Variants in INF2 observed in about 807,000 individuals in gnomAD.
The protein encoded by INF2 is inverted formin 2.
Under a neutral mutation model 123.5 loss-of-function variants are expected in INF2, and 43 were observed. The ratio of observed to expected loss-of-function variants is 0.35; its 90% CI spans 0.27 to 0.45. The LOEUF (loss-of-function observed/expected upper bound fraction) is 0.45. Among genes scored for constraint, INF2 ranks in the 20% least tolerant of loss-of-function variants. INF2 has a pLI of 1.00. For missense variants in INF2, 1,453 were observed against 1,682.7 expected (o/e 0.86, Z 2.39); for synonymous variants, 851 against 745.0 (o/e 1.14, Z -2.32).
rs780454513 is a variant in INF2 at position 104,701,381 on chromosome 14, G to C, written c.16G>C (p.Gly6Arg). The change falls in exon 2 of 23, where the codon GGC becomes CGC. Residue 6 changes from glycine (G) to arginine (R), a missense_variant. Coordinates refer to ENST00000392634, the MANE Select transcript of INF2 (RefSeq NM_022489.4). MSVKE[G>R]AQRKWAALKE... Reference sequence around the variant, plus strand: ...GCTCGGCAAGATGTCGGTGAAGGAGGGCGCACAGCGCAAGTGGGCAGCGCT... The same window carrying C: ...GCTCGGCAAGATGTCGGTGAAGGAGCGCGCACAGCGCAAGTGGGCAGCGCT... The C allele has an allele frequency of 1.1e-5, 18 of 1,585,720 alleles. No individual in the cohort carries two copies. Among genetic ancestry groups the C allele is most frequent in the Non-Finnish European group, 1.5e-5 (18 of 1,165,296 alleles).
Position 104,710,161 on chromosome 14 carries a change from G to A in INF2, c.2212G>A (p.Ala738Thr), listed in dbSNP as rs1442093176. ...CGTGCTGGACATGGTGCGGCCCAAG[G>A]CCCAGCTGGTGCTGGCTGCCTGCGA... ...AAVLDMVRPKAQLVLAACESL... is the reference protein window; with the variant it reads ...AAVLDMVRPKTQLVLAACESL... Residue 738 changes from alanine (A) to threonine (T), a missense_variant, in exon 13 of 23, where the codon GCC becomes ACC. Coordinates refer to ENST00000392634, the MANE Select transcript of INF2 (RefSeq NM_022489.4). 1 of 1,551,286 alleles carries A rather than the reference G, an allele frequency of 6.4e-7. No individual in the cohort carries two copies. The highest frequency in any genetic ancestry group is 2.4e-5 in the East Asian group (1 of 41,094).
At chr14:104,708,255 C>G in intron 8 of INF2, 181 bp from the exon 9 acceptor site, 1 of 905,192 alleles carries the variant, frequency 1.1e-6, no homozygotes. Flanking sequence ...CCATGGTGCC[C>G]TGGGGCCCTG....
chr14:104,687,372 C>T (rs1405139244), upstream of INF2, among the ~76,000 whole-genome samples: 1 of 151,994 alleles, frequency 6.6e-6, no homozygotes, highest in African/African-American at 2.4e-5. The surrounding 1 kb of genome is among the most constrained non-coding windows in gnomAD (Gnocchi z 5.6). Flanking sequence ...CCCTGCTGCC[C>T]CGGGCATGGT....
chr14:104,709,973 G>A (rs1308065692), intron 12 of INF2, 115 bp from the exon 13 acceptor site: 30 of 936,640 alleles, frequency 3.2e-5, no homozygotes, highest in East Asian at 1.3e-4. Flanking sequence ...TGGGGCAGGC[G>A]GTGGAAACCC....
chr14:104,703,527 C>T (rs994853478), intron 4 of INF2, 73 bp downstream of exon 4: 4 of 1,580,556 alleles, frequency 2.5e-6, no homozygotes, highest in Non-Finnish European at 3.4e-6. Flanking sequence ...CTGCATCCAC[C>T]TGGGGAGGTG....
Position 104,707,744 on chromosome 14 carries a change from C to A in INF2, c.1477C>A (p.Pro493Thr). 1.5e-6 allele frequency: 2 copies of A among 1,367,838 alleles called. No individual in the cohort carries two copies. The highest frequency in any genetic ancestry group is 2.4e-4 in the Middle Eastern group (1 of 4,100). 84.7% of individuals were successfully genotyped at this position (1,367,838 alleles called of 1,614,324 possible). A position where few individuals can be genotyped will look rare whatever the true frequency, so the allele number is the denominator to read the frequency against. Residue 493 changes from proline to threonine, a missense_variant, in exon 8 of 23, where the codon CCA (proline) becomes ACA (threonine). Pro to Thr is a conservative substitution (Grantham distance 38). Coordinates refer to ENST00000392634, the MANE Select transcript of INF2 (RefSeq NM_022489.4). The part of the protein sequence containing the change: ...SCEFLPPPPP[P>T]LPGLGCPPPP... ...TGAGTTCCTGCCCCCACCACCTCCA[C>A]CACTCCCGGGCTTGGGATGCCCGCC... is the stretch of plus-strand genomic sequence containing the variant.
At chr14:104,715,967 C>G (rs1409802350) in intron 22 of INF2, 6 of 455,886 alleles carry the variant, frequency 1.3e-5, no homozygotes, top group Admixed American at 4.7e-5. Context: ...CAGATTACCC[C>G]CCGCACACCG....
chr14:104,714,215 A>G lies in INF2; in HGVS notation c.3053A>G (p.Asn1018Ser), dbSNP rs1249757355. ...TCCCTCCATCCAGTGGCCACCAGTA[A>G]CCCTGCAGGAGATCCCGTGGGCAGC... ...PRATEPVATS[N>S]PAGDPVGSTR... Residue 1018 changes from asparagine (N) to serine (S), a missense_variant, in exon 21 of 23, where the codon AAC becomes AGC. Around this residue, in one of 8 missense-constraint regions of INF2, gnomAD observed 344 missense variants for 333.1 expected, o/e 1.03. Transcript: ENST00000392634. 6.5e-7 allele frequency: 1 copy of G among 1,535,574 alleles called. No homozygotes were observed. The highest frequency in any genetic ancestry group is 1.9e-5 in the Admixed American group (1 of 52,982).
chr14:104,693,072 C>G (rs143954147), intron 1 of INF2, among the ~76,000 whole-genome samples: 43 of 152,364 alleles, frequency 2.8e-4, no homozygotes, highest in Non-Finnish European at 4.3e-4. Flanking sequence ...CACTGGAGGC[C>G]TGGCCAGGCT....
At position 104,703,363 on chromosome 14, in the gene INF2, C is replaced by T. The variant is rs1889618890; in HGVS notation, c.576C>T (p.Pro192=). ...MNELSGSDNV[P]YVVTLLSVIN... is the part of the protein sequence containing the mutation. Reference sequence around the variant, plus strand: ...AGCTCTCCGGCAGCGACAACGTGCCCTACGTGGTCACCCTGCTTAGCGTGA... The same window carrying T: ...AGCTCTCCGGCAGCGACAACGTGCCTTACGTGGTCACCCTGCTTAGCGTGA... Residue 192 remains proline, a synonymous_variant, in exon 4 of 23, where the codon CCC becomes CCT. Coordinates refer to ENST00000392634, the MANE Select transcript of INF2 (RefSeq NM_022489.4). 1 of 1,613,024 alleles carries T rather than the reference C, an allele frequency of 6.2e-7. No individual in the cohort carries two copies. Among genetic ancestry groups the T allele is most frequent in the Non-Finnish European group, 8.5e-7 (1 of 1,179,874 alleles).
At position 104,684,443 on chromosome 14, in the gene INF2, C is replaced by T; in HGVS notation, c.-104+2861C>T. 1 of 246,310 alleles carries T rather than the reference C, an allele frequency of 4.1e-6. No individual in the cohort carries two copies. Among genetic ancestry groups the T allele is most frequent in the South Asian group, 4.8e-5 (1 of 20,754 alleles). The allele number at this position is 246,310 out of a possible 1,614,324, so 15.3% of individuals were successfully genotyped here. ...AAGAAACATGAGTGAACGATGCACA[C>T]CACCGCGTGGATGAGTCTCAGAGAC... is the stretch of plus-strand genomic sequence containing the variant. On this transcript the variant is annotated intron_variant, in intron 1 of 2. Transcript: ENST00000674723. This position sits in a 1 kb window ranked among gnomAD's most constrained non-coding sequence, Gnocchi z 5.0.
chr14:104,717,952 T>C (rs1274997313), intron 22 of INF2, among the ~76,000 whole-genome samples: 1 of 152,208 alleles, frequency 6.6e-6, no homozygotes, highest in Admixed American at 6.5e-5. Context: ...GTGCATTTGA[T>C]GGGGACCAGC....
In INF2 at chr14:104,684,173, A is replaced by G; in HGVS notation, c.-104+2591A>G. ...AGTAACCTGCGTGCCGCCACGGGAA[A>G]CAGCACGCATCCCATCTGGACTCCC... is the stretch of plus-strand genomic sequence containing the variant. On this transcript the variant is annotated intron_variant, in intron 1 of 2. Coordinates refer to the INF2 transcript ENST00000674723. The surrounding 1 kb of genome is among the most constrained non-coding windows in gnomAD (Gnocchi z 5.0). 4.4e-6 allele frequency: 2 copies of G among 455,772 alleles called. No homozygotes were observed. The highest frequency in any genetic ancestry group is 4.7e-5 in the Admixed American group (2 of 42,562). The allele number at this position is 455,772 out of a possible 1,614,324, so 28.2% of individuals were successfully genotyped here. A position where few individuals can be genotyped will look rare whatever the true frequency, so the allele number is the denominator to read the frequency against.
At chr14:104,687,915 CG>C (rs1888713081), upstream of INF2, among the ~76,000 whole-genome samples, 2 of 152,362 alleles carry the variant, frequency 1.3e-5, no homozygotes, top group Admixed American at 1.3e-4. The surrounding 1 kb of genome is among the most constrained non-coding windows in gnomAD (Gnocchi z 5.6). Flanking sequence ...TGCCCAGCAC[CG>C]CTGCCAGGCA....
Position 104,708,689 on chromosome 14 carries a change from A to G in INF2, c.1906A>G (p.Lys636Glu). 6.2e-7 allele frequency: 1 copy of G among 1,613,018 alleles called. No homozygotes were observed. The highest frequency in any genetic ancestry group is 8.5e-7 in the Non-Finnish European group (1 of 1,179,840). The change falls in exon 10 of 23, where the codon AAG becomes GAG. Residue 636 changes from lysine to glutamate, a missense_variant. Transcript: ENST00000392634. The part of the protein sequence containing the change: ...EPKEITFLDA[K>E]KSLNLNIFLK... ...TTTCTAGATCACTTTCCTCGATGCC[A>G]AGAAGAGCCTGAACCTCAACATCTT...
chr14:104,709,229 T>G (rs1595173363), intron 10 of INF2, 52 bp from the exon 11 acceptor site: 6 of 1,409,316 alleles, frequency 4.3e-6, no homozygotes, highest in Admixed American at 1.8e-5. Flanking sequence ...AGAGGCTGGG[T>G]GGGGGTGACT....
rs1889389369 is a variant in INF2, at chr14:104,699,859, C to G, written c.-9-1498C>G. The stretch of plus-strand genomic sequence containing the variant: ...GGTGAGGGCCCGGGCTGGGGACATG[C>G]AGATCAGAACCCTGGCTTACACCTG... On this transcript the variant is annotated intron_variant, in intron 1 of 22. Transcript: ENST00000392634. This position sits in a 1 kb window ranked among gnomAD's most constrained non-coding sequence, Gnocchi z 4.7. Among the ~76,000 whole-genome samples, 1 of 152,154 alleles carries G rather than the reference C, an allele frequency of 6.6e-6. No individual in the cohort carries two copies. The highest frequency in any genetic ancestry group is 6.5e-5 in the Admixed American group (1 of 15,280).
At position 104,709,293 on chromosome 14, in the gene INF2, G is replaced by C. The variant is rs1378876029; in HGVS notation, c.1962G>C (p.Glu654Asp). 8 of 1,612,654 alleles carry C rather than the reference G, an allele frequency of 5.0e-6. No individual in the cohort carries two copies. Among genetic ancestry groups the C allele is most frequent in the Non-Finnish European group, 6.8e-6 (8 of 1,179,720 alleles). Residue 654 changes from glutamate (E) to aspartate (D), a missense_variant, in exon 11 of 23, where the codon GAG becomes GAC. Glu to Asp is a conservative substitution (Grantham distance 45). Transcript: ENST00000392634. ...CTCCCTGCTCCAGCTCCAACGAGGAGGTCGCTGCTATGATCCGGGCTGGAG... is the reference window on the plus strand; with the variant it reads ...CTCCCTGCTCCAGCTCCAACGAGGACGTCGCTGCTATGATCCGGGCTGGAG... The part of the protein sequence containing the change: ...FLKQFKCSNE[E>D]VAAMIRAGDT...
At position 104,707,478 on chromosome 14, in the gene INF2, G is replaced by A. The variant is rs759535604; in HGVS notation, c.1211G>A (p.Ser404Asn). ...CCCGTGGACCACGCCCAGAGTGAGAGCATCCTGAAAGTTTCGCAGCCCAGA... is the reference window on the plus strand; with the variant it reads ...CCCGTGGACCACGCCCAGAGTGAGAACATCCTGAAAGTTTCGCAGCCCAGA... ...CEPVDHAQSE[S>N]ILKVSQPRAL... Residue 404 changes from serine to asparagine, a missense_variant, in exon 8 of 23, where the codon AGC becomes AAC. Physicochemically the swap from Ser to Asn is conservative, Grantham distance 46 (BLOSUM62 1). Around this residue, in one of 8 missense-constraint regions of INF2, gnomAD observed 374 missense variants for 303.7 expected, o/e 1.23. Transcript: ENST00000392634. 1 of 1,551,514 alleles carries A rather than the reference G, an allele frequency of 6.4e-7. No individual in the cohort carries two copies. The highest frequency in any genetic ancestry group is 8.7e-7 in the Non-Finnish European group (1 of 1,148,108).
Sources: gnomAD v4.1 joint callset for allele counts (sites outside exome capture counted in the v4.1 genomes callset) on GRCh38, gnomAD v4.1.1 for gene constraint, gnomAD v4.1.1 regional missense constraint, Gnocchi (gnomAD v3.1) non-coding constraint, MANE v1.5 for transcripts, NCBI Gene and HGNC (gene_info 2026-07-23, HGNC 2026-07-21) for gene names.